NRXN2: variants seen among roughly 807,000 people sequenced by gnomAD.
NRXN2 encodes the protein neurexin-2-beta.
In NRXN2, 29 loss-of-function variants were observed where a neutral mutation model predicts 128.8. The ratio of observed to expected loss-of-function variants is 0.23; its 90% CI spans 0.17 to 0.31. NRXN2 has a LOEUF of 0.31. Ranked by LOEUF, NRXN2 falls within the 10% of genes least tolerant of loss-of-function variation. The pLI is 1.00. For synonymous variants in NRXN2, 1,098 were observed against 1,075.2 expected (o/e 1.02, Z -0.41); for missense variants, 1,881 against 2,452.6 (o/e 0.77, Z 4.92).
intron 1 of NRXN2, among the ~76,000 whole-genome samples, chr11:64,716,996 T>C (rs1398301125): frequency 6.6e-6 from 1 of 152,016 alleles, no homozygotes; most frequent in African/African-American, 2.4e-5. Flanking sequence ...AACCCACCCT[T>C]CTCCCAGAAT....
At chr11:64,624,570 C>T (rs749779816) in intron 20 of NRXN2, among the ~76,000 whole-genome samples, 2 of 152,212 alleles carry the variant, frequency 1.3e-5, no homozygotes, top group Non-Finnish European at 2.9e-5. Context: ...ACATAAGAAT[C>T]ATGAGGAAAA....
At chr11:64,628,096 T>A (rs780669953) in intron 19 of NRXN2, among the ~76,000 whole-genome samples, 4 of 152,218 alleles carry the variant, frequency 2.6e-5, no homozygotes, top group Admixed American at 6.5e-5. Flanking sequence ...AAAATGTACA[T>A]CTGCCTGGAG....
At chr11:64,688,713 G>C (rs1313996010) in intron 5 of NRXN2, 2 of 985,242 alleles carry the variant, frequency 2.0e-6, no homozygotes, top group African/African-American at 3.5e-5. Flanking sequence ...CACAGTTGGG[G>C]AGTCTGTAGC....
Position 64,647,795 on chromosome 11 carries a change from G to A in NRXN2, c.3403+424C>T, listed in dbSNP as rs1052007528. On this transcript the variant is annotated intron_variant, in intron 17 of 22. Coordinates refer to ENST00000265459, the MANE Select transcript of NRXN2 (RefSeq NM_015080.4). ...ACTTCATGCCCTGAGGGCACCAAAG[G>A]GGGTGCAGATTGTTAACAGCCCCCC... is the stretch of plus-strand genomic sequence containing the variant. 2.6e-5 allele frequency among the ~76,000 whole-genome samples: 4 copies of A among 152,328 alleles called. No homozygotes were observed. In the East Asian group the frequency reaches 7.7e-4, roughly 29 times the overall value.
intron 17 of NRXN2, chr11:64,643,103 CG>C: frequency 1.0e-6 from 1 of 979,108 alleles, no homozygotes; most frequent in East Asian, 1.2e-4. Flanking sequence ...GTCAGAAACC[CG>C]GGGGAGCGCC....
chr11:64,653,869 G>A (rs990487849), intron 11 of NRXN2, 147 bp from the exon 12 acceptor site: 3 of 629,456 alleles, frequency 4.8e-6, no homozygotes, highest in Non-Finnish European at 8.5e-6. Flanking sequence ...GTGCCCAGGT[G>A]CCCTCTTCCC....
At chr11:64,668,630 AAGAC>A (rs775853051) in intron 7 of NRXN2, 26 bp from the exon 8 acceptor site, 1 of 1,611,328 alleles carries the variant, frequency 6.2e-7, no homozygotes, top group Non-Finnish European at 8.5e-7. Flanking sequence ...GGGAGGGAGA[AAGAC>A]AGGAGACAAC....
rs746593966 is a variant in NRXN2, at chr11:64,692,913, AAAG to A, written c.749-40_749-38del. 5.9e-5 allele frequency: 91 copies of A among 1,545,806 alleles called. No homozygotes were observed. The African/African-American group carries it at 6.4e-4, about 11-fold the overall frequency. ...GAAGGAGAGAAAGAAAGAAAGAAAA[AAAG>A]AAGAAGAAAAAAGAAAGAAAAGGGG... On this transcript the variant is annotated intron_variant, in intron 3 of 22. Transcript: ENST00000265459.
At chr11:64,653,851 G>T in intron 11 of NRXN2, 129 bp from the exon 12 acceptor site, 1 of 675,962 alleles carries the variant, frequency 1.5e-6, no homozygotes, top group South Asian at 1.8e-5. Context: ...ACTTTCCGGG[G>T]ACCACGCGTG....
At chr11:64,649,426 C>T (rs992278078) in intron 15 of NRXN2, among the ~76,000 whole-genome samples, 2 of 152,184 alleles carry the variant, frequency 1.3e-5, no homozygotes, top group African/African-American at 4.8e-5. Flanking sequence ...GATCCCCTGC[C>T]ACAGAGCCTA....
intron 11 of NRXN2, chr11:64,659,740 G>T (rs1027210648): frequency 2.5e-5 from 4 of 162,668 alleles, no homozygotes; most frequent in Admixed American, 2.2e-4. Flanking sequence ...CAGCCATGAG[G>T]CTCAAATGTG....
At chr11:64,636,264 C>T (rs2044698700) in intron 17 of NRXN2, among the ~76,000 whole-genome samples, 1 of 152,052 alleles carries the variant, frequency 6.6e-6, no homozygotes, top group African/African-American at 2.4e-5. Flanking sequence ...CCTACCCCAC[C>T]CTCTCTCCCC....
chr11:64,648,680 C>T lies in NRXN2; in HGVS notation c.3283+54G>A. ...TACCTGCCCCGGTCTGCCTCTGCAG[C>T]TGGCCATCCTGTAGCCAGTAGGGCC... is the stretch of plus-strand genomic sequence containing the variant. On this transcript the variant is annotated intron_variant, in intron 16 of 22. Coordinates refer to ENST00000265459, the MANE Select transcript of NRXN2 (RefSeq NM_015080.4). This position sits in a 1 kb window ranked among gnomAD's most constrained non-coding sequence, Gnocchi z 4.1. 1 of 1,605,840 alleles carries T rather than the reference C, an allele frequency of 6.2e-7. No individual in the cohort carries two copies. The highest frequency in any genetic ancestry group is 8.5e-7 in the Non-Finnish European group (1 of 1,174,230).
intron 22 of NRXN2, 56 bp downstream of exon 22, chr11:64,620,238 C>T: frequency 5.0e-6 from 7 of 1,404,554 alleles, no homozygotes; most frequent in South Asian, 4.9e-5. Context: ...CAGTCGCCCC[C>T]CTCCCAGCAG....
In NRXN2 at chr11:64,651,707, C is replaced by G; in HGVS notation, c.2537-71G>C. 6.4e-7 allele frequency: 1 copy of G among 1,569,166 alleles called. No homozygotes were observed. The highest frequency in any genetic ancestry group is 8.7e-7 in the Non-Finnish European group (1 of 1,149,692). On this transcript the variant is annotated intron_variant, in intron 13 of 22. Coordinates refer to ENST00000265459, the MANE Select transcript of NRXN2 (RefSeq NM_015080.4). This position sits in a 1 kb window ranked among gnomAD's most constrained non-coding sequence, Gnocchi z 5.9. ...GGGCTGGGGCTTGGGTTCCCAGGAG[C>G]CTCCCCTCCACAGGAGGGCCACCCA...
Position 64,695,927 on chromosome 11 carries a change from T to G in NRXN2, c.748+1848A>C, listed in dbSNP as rs117267378. Among the ~76,000 whole-genome samples, 205 of 151,994 alleles carry G rather than the reference T, an allele frequency of 1.3e-3. 2 individuals carry two copies. In the East Asian group the frequency reaches 0.037, roughly 27 times the overall value. ...TCCTGTCTATCAGCCCCTTTCCTCTTCCCTACTCCCACCAGACTCCTTCTT... is the reference window on the plus strand; with the variant it reads ...TCCTGTCTATCAGCCCCTTTCCTCTGCCCTACTCCCACCAGACTCCTTCTT... On this transcript the variant is annotated intron_variant, in intron 3 of 22. Transcript: ENST00000265459.
intron 11 of NRXN2, among the ~76,000 whole-genome samples, chr11:64,659,058 T>C (rs191306851): frequency 6.6e-6 from 1 of 152,312 alleles, no homozygotes; most frequent in East Asian, 1.9e-4. Context: ...CTCTGTATTC[T>C]CTCCAGTCGA....
At chr11:64,693,031 A>C in intron 3 of NRXN2, 155 bp from the exon 4 acceptor site, 1 of 726,006 alleles carries the variant, frequency 1.4e-6, no homozygotes, top group Non-Finnish European at 2.3e-6. Context: ...ACCTTTTTTA[A>C]CTTGTGACAG....
intron 1 of NRXN2, among the ~76,000 whole-genome samples, chr11:64,720,268 C>T (rs2057400893): frequency 6.6e-6 from 1 of 152,220 alleles, no homozygotes; most frequent in Non-Finnish European, 1.5e-5. Context: ...AATGAGTCTC[C>T]GAGAGCCCAC....
Sources: gnomAD v4.1 joint callset for allele counts (sites outside exome capture counted in the v4.1 genomes callset) on GRCh38, gnomAD v4.1.1 for gene constraint, Gnocchi (gnomAD v3.1) non-coding constraint, MANE v1.5 for transcripts, NCBI Gene and HGNC (gene_info 2026-07-23, HGNC 2026-07-21) for gene names.